The following DUSP22 variants were observed in gnomAD, a reference collection of about 807,000 sequenced individuals.
DUSP22 encodes the protein dual specificity phosphatase 22, also known as dual specificity protein phosphatase 22.
In DUSP22, 24 loss-of-function variants were observed where a neutral mutation model predicts 24.5. The observed-to-expected ratio is 0.98, with a 90% confidence interval of 0.71 to 1.38. The LOEUF (loss-of-function observed/expected upper bound fraction) is 1.38. Among genes scored for constraint, DUSP22 ranks in the 40% most tolerant of loss-of-function variants. The probability of loss-of-function intolerance (pLI) is 0.00; values close to 1 mark genes in which losing one functional copy is unlikely to be tolerated. For missense variants in DUSP22, 330 were observed against 269.2 expected (o/e 1.23, Z -1.58); for synonymous variants, 160 against 106.4 (o/e 1.50, Z -3.10).
chr6:338,407 T>C (rs1324064801), intron 4 of DUSP22, among the ~76,000 whole-genome samples: 1 of 152,304 alleles, frequency 6.6e-6, no homozygotes, highest in East Asian at 1.9e-4. Context: ...AATCAAATGA[T>C]TCCCCTCAAG....
intron 3 of DUSP22, among the ~76,000 whole-genome samples, chr6:328,249 C>A (rs1486567779): frequency 1.3e-5 from 2 of 152,300 alleles, no homozygotes; most frequent in African/African-American, 4.8e-5. Context: ...TTGTGTACAT[C>A]AGCAAGTCCT....
intron 4 of DUSP22, 71 bp downstream of exon 4, chr6:335,234 G>A (rs1452692338): frequency 1.9e-6 from 3 of 1,573,366 alleles, no homozygotes; most frequent in Admixed American, 1.7e-5. Context: ...AGTCAGAGAA[G>A]TAGAAGACTG....
chr6:346,008 A>G lies in DUSP22; in HGVS notation c.263+80A>G, dbSNP rs372773310. On this transcript the variant is annotated intron_variant, in intron 5 of 6. Transcript: ENST00000419235. ...CCCATCAAGTGTTTTTCCGTGTGTGAATAATGGTTTCACCTCCTAATAGTT... is the reference window on the plus strand; with the variant it reads ...CCCATCAAGTGTTTTTCCGTGTGTGGATAATGGTTTCACCTCCTAATAGTT... 7.4e-4 allele frequency: 1,152 copies of G among 1,558,870 alleles called. No homozygotes were observed. In the African/African-American group the frequency reaches 0.012, roughly 16 times the overall value.
chr6:309,035 G>GA (rs1203849303), intron 2 of DUSP22, among the ~76,000 whole-genome samples: 1 of 152,306 alleles, frequency 6.6e-6, no homozygotes, highest in African/African-American at 2.4e-5. Flanking sequence ...GTGGCGATTG[G>GA]AAAATCCCAT....
intron 2 of DUSP22, among the ~76,000 whole-genome samples, chr6:308,595 G>A (rs1757931479): frequency 6.6e-6 from 1 of 152,300 alleles, no homozygotes; most frequent in Non-Finnish European, 1.5e-5. Context: ...ATATCAAGTG[G>A]TCTTCTCTAT....
In DUSP22 at chr6:348,098, C is replaced by CT; in HGVS notation, c.264-5_264-4insT. 1 of 1,614,048 alleles carries CT rather than the reference C, an allele frequency of 6.2e-7. No individual in the cohort carries two copies. The highest frequency in any genetic ancestry group is 8.5e-7 in the Non-Finnish European group (1 of 1,179,922). On this transcript the variant is annotated splice_region_variant and splice_polypyrimidine_tract_variant and intron_variant, in intron 5 of 6. Transcript: ENST00000419235. ...CTCACACATGTGCTTCTCTTGGCCC[C>CT]GCAGCCTGGCCGGGGTCTCCAGGAG...
chr6:310,522 C>T (rs561338304), intron 2 of DUSP22, among the ~76,000 whole-genome samples: 1 of 152,424 alleles, frequency 6.6e-6, no homozygotes, highest in East Asian at 1.9e-4. Flanking sequence ...ATAGACAGTT[C>T]TGTTTGGAAT....
rs1469840148 is a variant in DUSP22, at chr6:311,686, AAAC to A, written c.56-191_56-189del. Among the ~76,000 whole-genome samples the A allele has an allele frequency of 5.9e-5, 9 of 152,370 alleles. No individual in the cohort carries two copies. The South Asian group carries it at 8.3e-4, about 14-fold the overall frequency. On this transcript the variant is annotated intron_variant, in intron 2 of 6. Transcript: ENST00000419235. ...CAGAGTGAGACTCCGTCTCAAAAAA[AAAC>A]AAAAGAAATAAAGTTAGGCAAAATA...
intron 1 of DUSP22, among the ~76,000 whole-genome samples, chr6:294,405 A>C (rs547677812): frequency 6.6e-6 from 1 of 152,280 alleles, no homozygotes; most frequent in African/African-American, 2.4e-5. Context: ...TTCTTCACAG[A>C]ACCTTCAGTA....
intron 3 of DUSP22, among the ~76,000 whole-genome samples, chr6:318,049 C>G (rs1471111870): frequency 6.6e-6 from 1 of 152,304 alleles, no homozygotes; most frequent in African/African-American, 2.4e-5. Context: ...TGTGTAGTTC[C>G]TCACTTCCTT....
intron 1 of DUSP22, among the ~76,000 whole-genome samples, chr6:295,799 C>CA (rs61498181): frequency 0.059 from 8,172 of 137,756 alleles, 60 homozygotes; most frequent in East Asian, 0.092. Context: ...GACCCTGTTT[C>CA]AAAAAAAAAA....
chr6:341,438 GT>G (rs1418824761), intron 4 of DUSP22, among the ~76,000 whole-genome samples: 1 of 152,308 alleles, frequency 6.6e-6, no homozygotes, highest in African/African-American at 2.4e-5. Context: ...AATGACCAGA[GT>G]TGGGGCTTCT....
At chr6:334,814 A>C (rs1759289870) in intron 3 of DUSP22, among the ~76,000 whole-genome samples, 2 of 152,304 alleles carry the variant, frequency 1.3e-5, no homozygotes. Context: ...TGGTTTTGAA[A>C]GTAGTTGAAA....
chr6:297,144 A>G (rs1757371438), intron 1 of DUSP22, among the ~76,000 whole-genome samples: 1 of 152,294 alleles, frequency 6.6e-6, no homozygotes, highest in Non-Finnish European at 1.5e-5. Context: ...AGTCACTTAA[A>G]TGTTTCTAAG....
intron 2 of DUSP22, among the ~76,000 whole-genome samples, chr6:309,753 GT>G (rs1757987081): frequency 6.6e-6 from 1 of 152,154 alleles, no homozygotes; most frequent in Non-Finnish European, 1.5e-5. Context: ...TTGTAATTCC[GT>G]CTCTGAGCTG....
At chr6:312,135 T>A (rs1758139116) in intron 3 of DUSP22, among the ~76,000 whole-genome samples, 173 bp downstream of exon 3, 1 of 152,312 alleles carries the variant, frequency 6.6e-6, no homozygotes, top group Non-Finnish European at 1.5e-5. Context: ...GTCTGTAGCG[T>A]GGCGCGAGGG....
intron 3 of DUSP22, among the ~76,000 whole-genome samples, chr6:315,041 T>C (rs968020151): frequency 6.6e-6 from 1 of 152,306 alleles, no homozygotes; most frequent in Non-Finnish European, 1.5e-5. Flanking sequence ...GGCTGGGTGG[T>C]CTCTGATGCG....
chr6:319,163 A>G (rs537449595), intron 3 of DUSP22, among the ~76,000 whole-genome samples: 25 of 152,390 alleles, frequency 1.6e-4, no homozygotes, highest in African/African-American at 5.8e-4. Flanking sequence ...TCTTGAATTT[A>G]TTTGTCACAA....
intron 3 of DUSP22, among the ~76,000 whole-genome samples, chr6:334,882 A>G (rs1439377339): frequency 6.6e-6 from 1 of 152,308 alleles, no homozygotes; most frequent in East Asian, 1.9e-4. Context: ...AATTTTGCCT[A>G]AACCTACAGG....
Sources: allele counts gnomAD v4.1 joint callset (sites outside exome capture counted in the v4.1 genomes callset), GRCh38; gene constraint gnomAD v4.1.1; transcripts MANE v1.5; gene names NCBI Gene and HGNC (gene_info 2026-07-23, HGNC 2026-07-21).